The following CUBN variants were observed in gnomAD, a reference collection of about 807,000 sequenced individuals.
CUBN encodes cubilin.
Under a neutral mutation model 405.3 loss-of-function variants are expected in CUBN, and 282 were observed. The observed-to-expected ratio is 0.70, with a 90% CI of 0.63 to 0.77. The LOEUF (loss-of-function observed/expected upper bound fraction) is 0.77, where lower values mean the gene tolerates loss of function less well. Ranked by LOEUF, CUBN falls within the 30% of genes least tolerant of loss-of-function variation. The probability of loss-of-function intolerance (pLI) is 0.00; values close to 1 mark genes in which losing one functional copy is unlikely to be tolerated. For synonymous variants in CUBN, 1,684 were observed against 1,617.0 expected, an observed-to-expected ratio of 1.04 and a Z score of -0.99; for missense variants, 4,514 against 4,475.2, an observed-to-expected ratio of 1.01 and a Z score of -0.25.
intron 58 of CUBN, among the ~76,000 whole-genome samples, chr10:16,874,136 C>T (rs1840436066): frequency 6.6e-6 from 1 of 152,164 alleles, no homozygotes; most frequent in Admixed American, 6.5e-5. Flanking sequence ...TGTTGGGAAA[C>T]TATAACGACT....
intron 60 of CUBN, among the ~76,000 whole-genome samples, chr10:16,841,692 A>C (rs1839353427): frequency 6.6e-6 from 1 of 152,100 alleles, no homozygotes; most frequent in South Asian, 2.1e-4. Context: ...TTTGCCTGGA[A>C]TGCTCTTCCC....
chr10:16,986,130 C>T lies in CUBN; in HGVS notation c.4351-1851G>A, dbSNP rs552857756. The stretch of plus-strand genomic sequence containing the variant: ...CTTCGATTTGTAAAAGAAAGACCAT[C>T]TTTGGGAGACAGTTTTCAAAGAGTT... On this transcript the variant is annotated intron_variant, in intron 29 of 66. Coordinates refer to ENST00000377833, the MANE Select transcript of CUBN (RefSeq NM_001081.4). Among the ~76,000 whole-genome samples the T allele has an allele frequency of 1.6e-4, 24 of 152,352 alleles. 1 individual carries two copies. The South Asian group carries it at 5.0e-3, about 32-fold the overall frequency.
At chr10:17,087,584 T>C (rs1836149920) in intron 15 of CUBN, among the ~76,000 whole-genome samples, 1 of 144,614 alleles carries the variant, frequency 6.9e-6, no homozygotes, top group African/African-American at 2.5e-5. Flanking sequence ...CAAACGATTC[T>C]CCTGCCTCAG....
At chr10:17,073,396 G>T (rs1835781651) in intron 17 of CUBN, among the ~76,000 whole-genome samples, 1 of 150,242 alleles carries the variant, frequency 6.7e-6, no homozygotes, top group Non-Finnish European at 1.5e-5. Context: ...GAAAAAAAAG[G>T]AATTTCCTTC....
chr10:17,110,080 G>C (rs990440574), intron 9 of CUBN, among the ~76,000 whole-genome samples: 1 of 152,126 alleles, frequency 6.6e-6, no homozygotes, highest in African/African-American at 2.4e-5. Context: ...GAAGCCCAAA[G>C]TACTGTAGTT....
intron 60 of CUBN, among the ~76,000 whole-genome samples, chr10:16,843,736 G>C (rs1839428678): frequency 6.6e-6 from 1 of 152,162 alleles, no homozygotes; most frequent in African/African-American, 2.4e-5. Context: ...GCCCTTTCCA[G>C]ATCTTCAAGA....
intron 17 of CUBN, among the ~76,000 whole-genome samples, chr10:17,079,447 CA>C (rs576563388): frequency 2.8e-4 from 42 of 151,942 alleles, no homozygotes; most frequent in African/African-American, 9.9e-4. Flanking sequence ...CCACGTTGGC[CA>C]GGCTGGTCTC....
chr10:17,060,915 T>A (rs1835492001), intron 22 of CUBN, among the ~76,000 whole-genome samples: 1 of 151,844 alleles, frequency 6.6e-6, no homozygotes, highest in Non-Finnish European at 1.5e-5. Flanking sequence ...CCAGGCATGG[T>A]GACCATGCCT....
intron 31 of CUBN, among the ~76,000 whole-genome samples, chr10:16,975,130 A>G (rs1833053120): frequency 6.6e-6 from 1 of 152,210 alleles, no homozygotes. Flanking sequence ...ACTGTACTTC[A>G]TACAGCATTA....
In CUBN at chr10:16,952,353, G is replaced by A. The variant is rs768944751; in HGVS notation, c.4892C>T (p.Thr1631Ile). ...GGHILTSSFD[T>I]VSSPRFPANY... ...GGCAGGGAACCGTGGAGAGGAAACA[G>A]TATCAAATGAGCTGGTGAGGATGTG... Residue 1631 changes from threonine to isoleucine, a missense_variant, in exon 33 of 67, where the codon ACT (threonine) becomes ATT (isoleucine). This residue lies in a region of CUBN where 1,613 missense variants were observed against 1,542.8 expected (regional missense o/e 1.05). Transcript: ENST00000377833. 1.9e-6 allele frequency: 3 copies of A among 1,613,926 alleles called. No individual in the cohort carries two copies. Among genetic ancestry groups the A allele is most frequent in the Non-Finnish European group, 1.7e-6 (2 of 1,179,832 alleles).
At chr10:17,020,442 A>G (rs929472897) in intron 27 of CUBN, among the ~76,000 whole-genome samples, 1 of 152,254 alleles carries the variant, frequency 6.6e-6, no homozygotes, top group Non-Finnish European at 1.5e-5. Context: ...CATGCAATGT[A>G]TAATAATCAC....
intron 28 of CUBN, among the ~76,000 whole-genome samples, chr10:16,997,193 A>G (rs145813268): frequency 0.022 from 3,369 of 152,196 alleles, 133 homozygotes; most frequent in East Asian, 0.17. Flanking sequence ...CCCAGCACTT[A>G]GGGAGGCAAA....
chr10:17,089,484 A>C (rs968784576), intron 14 of CUBN, among the ~76,000 whole-genome samples: 1 of 152,214 alleles, frequency 6.6e-6, no homozygotes, highest in African/African-American at 2.4e-5. Flanking sequence ...TGTCTCTTAA[A>C]CATATGAAAG....
intron 28 of CUBN, among the ~76,000 whole-genome samples, chr10:17,016,580 AG>A (rs1834334247): frequency 6.6e-6 from 1 of 152,054 alleles, no homozygotes; most frequent in African/African-American, 2.4e-5. Flanking sequence ...AAACTTCCCC[AG>A]GTCTGCGTTG....
intron 15 of CUBN, among the ~76,000 whole-genome samples, chr10:17,087,055 T>C (rs570530459): frequency 1.3e-5 from 2 of 152,338 alleles, no homozygotes; most frequent in African/African-American, 2.4e-5. Context: ...AAATCCATTA[T>C]TGCTGAATTA....
chr10:16,921,794 A>G (rs1437710026), intron 43 of CUBN, among the ~76,000 whole-genome samples: 1 of 152,192 alleles, frequency 6.6e-6, no homozygotes, highest in African/African-American at 2.4e-5. Flanking sequence ...GACTTAAATG[A>G]TAAGCAGTCT....
Position 17,111,034 on chromosome 10 carries a change from T to A in CUBN, c.900A>T (p.Gly300=), listed in dbSNP as rs772892799. The change falls in exon 9 of 67, where the codon GGA becomes GGT. Residue 300 remains glycine, a synonymous_variant. Coordinates refer to ENST00000377833, the MANE Select transcript of CUBN (RefSeq NM_001081.4). The part of the protein sequence containing the change: ...GACPTGWQGN[G]YICEDINECE... ...ATTCATTGATATCTTCGCAAATATA[T>A]CCATTGCCTTGCCAGCCTAGGAAAA... 3 of 1,614,132 alleles carry A rather than the reference T, an allele frequency of 1.9e-6. No homozygotes were observed. The highest frequency in any genetic ancestry group is 2.2e-5 in the South Asian group (2 of 91,082).
intron 43 of CUBN, among the ~76,000 whole-genome samples, chr10:16,924,190 T>G (rs1373417860): frequency 6.6e-6 from 1 of 152,218 alleles, no homozygotes; most frequent in African/African-American, 2.4e-5. Context: ...CTTGAAATGC[T>G]TTGGTACCAG....
intron 44 of CUBN, among the ~76,000 whole-genome samples, 157 bp from the exon 45 acceptor site, chr10:16,918,957 C>T (rs1841963952): frequency 6.6e-6 from 1 of 152,146 alleles, no homozygotes; most frequent in African/African-American, 2.4e-5. Context: ...CTTTAAAATG[C>T]TGTATGATAT....
Sources: gnomAD v4.1 joint callset for allele counts (sites outside exome capture counted in the v4.1 genomes callset) on GRCh38, gnomAD v4.1.1 for gene constraint, gnomAD v4.1.1 regional missense constraint, MANE v1.5 for transcripts, NCBI Gene and HGNC (gene_info 2026-07-23, HGNC 2026-07-21) for gene names.